The following DLX1 variants were observed in gnomAD, a reference collection of about 807,000 sequenced individuals.
The protein encoded by DLX1 is homeobox protein DLX-1.
In DLX1, 7 loss-of-function variants were observed where a neutral mutation model predicts 25.0. The ratio of observed to expected loss-of-function variants is 0.28; its 90% CI spans 0.16 to 0.52. DLX1 has a LOEUF of 0.52. Ranked by LOEUF, DLX1 falls within the 20% of genes least tolerant of loss-of-function variation. The probability of loss-of-function intolerance (pLI) is 0.96; values close to 1 mark genes in which losing one functional copy is unlikely to be tolerated. For missense variants in DLX1, 233 were observed against 334.4 expected, an observed-to-expected ratio of 0.70 and a Z score of 2.37; for synonymous variants, 155 against 140.3, an observed-to-expected ratio of 1.10 and a Z score of -0.74.
In DLX1 at chr2:172,088,307, C is replaced by T; in HGVS notation, c.*50C>T. The stretch of plus-strand genomic sequence containing the variant: ...TCTCCCCGGCCCAGGTCCCTCCCGC[C>T]TCCAGGTCCATCCATCCCGTCCGGA... On this transcript the variant is annotated 3_prime_UTR_variant, in exon 3 of 3. Coordinates refer to ENST00000361725, the MANE Select transcript of DLX1 (RefSeq NM_178120.5). 2 of 1,419,638 alleles carry T rather than the reference C, an allele frequency of 1.4e-6. No individual in the cohort carries two copies. The allele number at this position is 1,419,638 out of a possible 1,614,324, so 87.9% of individuals were successfully genotyped here. A position where few individuals can be genotyped will look rare whatever the true frequency, so the allele number is the denominator to read the frequency against.
rs3821186 is a variant in DLX1, at chr2:172,088,439, C to T, written c.*182C>T. 6 of 762,372 alleles carry T rather than the reference C, an allele frequency of 7.9e-6. No homozygotes were observed. Among genetic ancestry groups the T allele is most frequent in the Non-Finnish European group, 1.1e-5 (6 of 540,980 alleles). The allele number at this position is 762,372 out of a possible 1,614,324, so 47.2% of individuals were successfully genotyped here. On this transcript the variant is annotated 3_prime_UTR_variant, in exon 3 of 3. Coordinates refer to ENST00000361725, the MANE Select transcript of DLX1 (RefSeq NM_178120.5). Reference sequence around the variant, plus strand: ...CAACTTCCCGGCATCCGCGCTCTAGCCTGAACCCTGGCCTGGGCCGAGCAG... The same window carrying T: ...CAACTTCCCGGCATCCGCGCTCTAGTCTGAACCCTGGCCTGGGCCGAGCAG...
chr2:172,085,771 C>T lies in DLX1; in HGVS notation c.94C>T (p.Pro32Ser). 6.2e-7 allele frequency: 1 copy of T among 1,614,216 alleles called. No homozygotes were observed. Among genetic ancestry groups the T allele is most frequent in the Non-Finnish European group, 8.5e-7 (1 of 1,180,052 alleles). The change falls in exon 1 of 3, where the codon CCT (proline) becomes TCT (serine). Residue 32 changes from proline (P) to serine (S), a missense_variant. By Grantham distance (74) the Pro-to-Ser change is moderately conservative. Around this residue, in one of 3 missense-constraint regions of DLX1, gnomAD observed 126 missense variants for 170.4 expected, o/e 0.74. Coordinates refer to ENST00000361725, the MANE Select transcript of DLX1 (RefSeq NM_178120.5). The surrounding 1 kb of genome is among the most constrained non-coding windows in gnomAD (Gnocchi z 4.3). The part of the protein sequence containing the change: ...EFGPPNQQMS[P>S]SPMSHGHYSM... Reference sequence around the variant, plus strand: ...TGGGCCGCCCAACCAGCAAATGTCTCCTTCTCCCATGTCCCACGGGCACTA... The same window carrying T: ...TGGGCCGCCCAACCAGCAAATGTCTTCTTCTCCCATGTCCCACGGGCACTA...
intron 2 of DLX1, chr2:172,087,100 C>A (rs1051766124): frequency 1.1e-5 from 8 of 699,680 alleles, no homozygotes; most frequent in Non-Finnish European, 1.9e-5. Context: ...CTGATTAGGG[C>A]GCAGGAAGGA....
intron 2 of DLX1, 100 bp downstream of exon 2, chr2:172,086,953 G>C (rs930568808): frequency 4.1e-6 from 5 of 1,208,406 alleles, no homozygotes; most frequent in Non-Finnish European, 6.2e-6. Flanking sequence ...GGGTCGGGGT[G>C]TCACTGTGTG....
Position 172,088,969 on chromosome 2 carries a change from CGTG to C in DLX1, c.*716_*718del, listed in dbSNP as rs1690918980. The C allele has an allele frequency of 6.6e-6, 1 of 152,114 alleles. No individual in the cohort carries two copies. The highest frequency in any genetic ancestry group is 1.5e-5 in the Non-Finnish European group (1 of 68,024). The allele number at this position is 152,114 out of a possible 1,614,324, so 9.4% of individuals were successfully genotyped here. On this transcript the variant is annotated 3_prime_UTR_variant, in exon 3 of 3. Transcript: ENST00000361725. ...CACGGGGAGAAACGAATAAGGAGGA[CGTG>C]GTGATTTTTAATTTATACAGTAACT... is the stretch of plus-strand genomic sequence containing the variant.
chr2:172,085,648 A>C lies in DLX1; in HGVS notation c.-30A>C. On this transcript the variant is annotated 5_prime_UTR_variant, in exon 1 of 3. Coordinates refer to ENST00000361725, the MANE Select transcript of DLX1 (RefSeq NM_178120.5). This position sits in a 1 kb window ranked among gnomAD's most constrained non-coding sequence, Gnocchi z 4.3. The stretch of plus-strand genomic sequence containing the variant: ...CCCCAAAAGGGAAGCAGAGGAGAGA[A>C]AGTCCCACACCCAGACCCCGCGAGA... The C allele has an allele frequency of 6.3e-7, 1 of 1,591,094 alleles. No homozygotes were observed. The highest frequency in any genetic ancestry group is 8.6e-7 in the Non-Finnish European group (1 of 1,169,424).
intron 1 of DLX1, 117 bp from the exon 2 acceptor site, chr2:172,086,537 A>G: frequency 9.7e-7 from 1 of 1,032,980 alleles, no homozygotes; most frequent in South Asian, 1.7e-5. Flanking sequence ...GAGTTTCTTG[A>G]ACGTTCTCTC....
chr2:172,085,644 G>C lies in DLX1; in HGVS notation c.-34G>C. The C allele has an allele frequency of 6.3e-7, 1 of 1,588,570 alleles. No individual in the cohort carries two copies. Among genetic ancestry groups the C allele is most frequent in the Non-Finnish European group, 8.6e-7 (1 of 1,168,126 alleles). On this transcript the variant is annotated 5_prime_UTR_variant, in exon 1 of 3. Transcript: ENST00000361725. This position sits in a 1 kb window ranked among gnomAD's most constrained non-coding sequence, Gnocchi z 4.3. Reference sequence around the variant, plus strand: ...AGACCCCCAAAAGGGAAGCAGAGGAGAGAAAGTCCCACACCCAGACCCCGC... The same window carrying C: ...AGACCCCCAAAAGGGAAGCAGAGGACAGAAAGTCCCACACCCAGACCCCGC...
At position 172,088,078 on chromosome 2, in the gene DLX1, A is replaced by G. The variant is rs138502787; in HGVS notation, c.589A>G (p.Ser197Gly). The G allele has an allele frequency of 1.1e-5, 17 of 1,588,320 alleles. 1 individual carries two copies. In the African/African-American group the frequency reaches 1.2e-4, roughly 11 times the overall value. The change falls in exon 3 of 3, where the codon AGT becomes GGT. Residue 197 changes from serine (S) to glycine (G), a missense_variant. Coordinates refer to ENST00000361725, the MANE Select transcript of DLX1 (RefSeq NM_178120.5). ...GCAGGGTGGGGCGGCTCTGGAGGGT[A>G]GTGCGTTGGCCAACGGTCGGGCCCT... ...MKQGGAALEG[S>G]ALANGRALSA...
At position 172,085,616 on chromosome 2, in the gene DLX1, T is replaced by G. The variant is rs373295286; in HGVS notation, c.-62T>G. ...GGGTTCCTTCCTGTCCTGAGAAACA[T>G]AGAGACCCCCAAAAGGGAAGCAGAG... On this transcript the variant is annotated 5_prime_UTR_variant, in exon 1 of 3. Transcript: ENST00000361725. This position sits in a 1 kb window ranked among gnomAD's most constrained non-coding sequence, Gnocchi z 4.3. 4.8e-5 allele frequency: 73 copies of G among 1,532,482 alleles called. 1 individual carries two copies. The East Asian group carries it at 1.6e-3, about 34-fold the overall frequency. 94.9% of individuals were successfully genotyped at this position (1,532,482 alleles called of 1,614,324 possible).
At position 172,088,088 on chromosome 2, in the gene DLX1, C is replaced by T. The variant is rs779074889; in HGVS notation, c.599C>T (p.Ala200Val). Residue 200 changes from alanine to valine, a missense_variant, in exon 3 of 3, where the codon GCC becomes GTC. This residue lies in a region of DLX1 where 84 missense variants were observed against 81.8 expected (regional missense o/e 1.03). Transcript: ENST00000361725. Reference sequence around the variant, plus strand: ...GCGGCTCTGGAGGGTAGTGCGTTGGCCAACGGTCGGGCCCTGTCTGCTGGC... The same window carrying T: ...GCGGCTCTGGAGGGTAGTGCGTTGGTCAACGGTCGGGCCCTGTCTGCTGGC... ...GGAALEGSAL[A>V]NGRALSAGSP... The T allele has an allele frequency of 1.0e-5, 16 of 1,592,292 alleles. No homozygotes were observed. The highest frequency in any genetic ancestry group is 1.7e-4 in the Middle Eastern group (1 of 5,960).
At chr2:172,087,548 G>GA in intron 2 of DLX1, 1 of 462,172 alleles carries the variant, frequency 2.2e-6, no homozygotes, top group Non-Finnish European at 4.3e-6. Context: ...CTCAAGGGCA[G>GA]AAAAGATGGC....
intron 2 of DLX1, 77 bp from the exon 3 acceptor site, chr2:172,087,926 G>A: frequency 2.7e-6 from 4 of 1,500,774 alleles, no homozygotes; most frequent in South Asian, 2.8e-5. Context: ...GCTGTTCTGC[G>A]GTCCCTTTTT....
In DLX1 at chr2:172,089,248, T is replaced by A. The variant is rs1690926857; in HGVS notation, c.*991T>A. The A allele has an allele frequency of 6.6e-6, 1 of 152,112 alleles. No individual in the cohort carries two copies. Among genetic ancestry groups the A allele is most frequent in the South Asian group, 2.1e-4 (1 of 4,822 alleles). 9.4% of individuals were successfully genotyped at this position (152,112 alleles called of 1,614,324 possible). ...AACAGGCGAGAACAAGCACTCTAAT[T>A]CCAGTGGGCTTTAAAATAAGACAAA... is the stretch of plus-strand genomic sequence containing the variant. On this transcript the variant is annotated 3_prime_UTR_variant, in exon 3 of 3. Coordinates refer to ENST00000361725, the MANE Select transcript of DLX1 (RefSeq NM_178120.5).
intron 1 of DLX1, chr2:172,086,232 C>T (rs2105518898): frequency 1.8e-6 from 1 of 559,754 alleles, no homozygotes; most frequent in Non-Finnish European, 3.1e-6. Context: ...AAGGATAAAT[C>T]CCAGAGCGTC....
chr2:172,085,522 A>T lies in DLX1; in HGVS notation c.-156A>T. 1.3e-6 allele frequency: 1 copy of T among 756,818 alleles called. No homozygotes were observed. The highest frequency in any genetic ancestry group is 2.1e-6 in the Non-Finnish European group (1 of 472,480). The allele number at this position is 756,818 out of a possible 1,614,324, so 46.9% of individuals were successfully genotyped here. On this transcript the variant is annotated 5_prime_UTR_variant, in exon 1 of 3. An upstream open reading frame in the 5' UTR gains an earlier in-frame stop. Transcript: ENST00000361725. This position sits in a 1 kb window ranked among gnomAD's most constrained non-coding sequence, Gnocchi z 4.3. ...TGGGGAGCTCAGCAGCATCATGCTTAGACTTTTCAAAGAGACAAACTCCAT... is the reference window on the plus strand; with the variant it reads ...TGGGGAGCTCAGCAGCATCATGCTTTGACTTTTCAAAGAGACAAACTCCAT...
rs1690904271 is a variant in DLX1 at position 172,088,365 on chromosome 2, G to A, written c.*108G>A. On this transcript the variant is annotated 3_prime_UTR_variant, in exon 3 of 3. Coordinates refer to ENST00000361725, the MANE Select transcript of DLX1 (RefSeq NM_178120.5). ...GACCCAGAGGGAAGAAGGAACAGTGGAGGCGGGACGCCCTCCATCTCCTCG... is the reference window on the plus strand; with the variant it reads ...GACCCAGAGGGAAGAAGGAACAGTGAAGGCGGGACGCCCTCCATCTCCTCG... 6 of 1,335,478 alleles carry A rather than the reference G, an allele frequency of 4.5e-6. No individual in the cohort carries two copies. The highest frequency in any genetic ancestry group is 3.0e-5 in the Admixed American group (1 of 33,296). The allele number at this position is 1,335,478 out of a possible 1,614,324, so 82.7% of individuals were successfully genotyped here.
At chr2:172,087,952 AG>A in intron 2 of DLX1, 50 bp from the exon 3 acceptor site, 1 of 1,506,080 alleles carries the variant, frequency 6.6e-7, no homozygotes, top group Non-Finnish European at 8.9e-7. Flanking sequence ...CCTGTGACCT[AG>A]GTAGGCTCAG....
chr2:172,086,314 C>T (rs1351812811), intron 1 of DLX1: 1 of 472,346 alleles, frequency 2.1e-6, no homozygotes, highest in Non-Finnish European at 3.7e-6. Context: ...AAACAGAAAC[C>T]CACATGTGCA....
Sources: allele counts gnomAD v4.1 joint callset, GRCh38; gene constraint gnomAD v4.1.1; regional missense constraint gnomAD v4.1.1; non-coding constraint Gnocchi (gnomAD v3.1); transcripts MANE v1.5; gene names NCBI Gene and HGNC (gene_info 2026-07-23, HGNC 2026-07-21).